The following STXBP2 variants were observed in gnomAD, a reference collection of about 807,000 sequenced individuals.
STXBP2 encodes the protein syntaxin binding protein 2.
Under a neutral mutation model 72.2 loss-of-function variants are expected in STXBP2, and 47 were observed. The ratio of observed to expected loss-of-function variants is 0.65; its 90% CI spans 0.51 to 0.83. The LOEUF is 0.83. Among genes scored for constraint, STXBP2 ranks in the 40% least tolerant of loss-of-function variants. The pLI, the probability that STXBP2 is intolerant of heterozygous loss-of-function variation, is 0.00. For missense variants in STXBP2, 702 were observed against 807.6 expected (o/e 0.87, Z 1.58); for synonymous variants, 367 against 338.7 (o/e 1.08, Z -0.92).
the STXBP2 span, chr19:7,631,408 G>T: frequency 1.4e-5 from 13 of 915,510 alleles, no homozygotes; most frequent in South Asian, 1.5e-4. Flanking sequence ...GCGGGGGGGG[G>T]TGGTCCCGGC....
At chr19:7,630,653 G>A in the STXBP2 span, 14 of 1,537,080 alleles carry the variant, frequency 9.1e-6, no homozygotes, top group Non-Finnish European at 1.2e-5. Context: ...ATGTCATACA[G>A]CGCAAGGTGG....
chr19:7,643,311 G>A, intron 13 of STXBP2, 66 bp downstream of exon 13: 1 of 1,395,516 alleles, frequency 7.2e-7, no homozygotes, highest in South Asian at 1.2e-5. Context: ...GGGAGGGGCT[G>A]AACTGTAGAG....
the STXBP2 span, chr19:7,630,390 G>A: frequency 1.7e-6 from 1 of 604,182 alleles, no homozygotes; most frequent in African/African-American, 1.9e-5. Flanking sequence ...GAGGCCTCCT[G>A]GATTATAGGA....
At chr19:7,635,115 G>C (rs774275211), upstream of STXBP2, among the ~76,000 whole-genome samples, 5 of 152,212 alleles carry the variant, frequency 3.3e-5, no homozygotes, top group Non-Finnish European at 7.3e-5. Context: ...GGGGGTTAGT[G>C]GTGGGGTGGC....
At chr19:7,643,766 G>GCAC (rs2031998492) in intron 13 of STXBP2, among the ~76,000 whole-genome samples, 2 of 151,208 alleles carry the variant, frequency 1.3e-5, no homozygotes, top group South Asian at 2.1e-4. Context: ...CCTGGGTGAG[G>GCAC]GGTGGAACCT....
chr19:7,643,702 G>C (rs1336982910), intron 13 of STXBP2, among the ~76,000 whole-genome samples: 5 of 147,976 alleles, frequency 3.4e-5, no homozygotes, highest in Non-Finnish European at 1.5e-5. Context: ...GGAGAGGGGC[G>C]GAGCCTTGGA....
At chr19:7,632,951 A>G (rs1230371689), upstream of STXBP2, 1 of 1,474,980 alleles carries the variant, frequency 6.8e-7, no homozygotes, top group Admixed American at 2.3e-5. The surrounding 1 kb of genome is among the most constrained non-coding windows in gnomAD (Gnocchi z 5.2). Context: ...CTCAGCTCTC[A>G]CCATGGTCCC....
chr19:7,644,737 A>G lies in STXBP2; in HGVS notation c.1231A>G (p.Ile411Val), dbSNP rs2032061416. The part of the protein sequence containing the change: ...YDKIRVLLLY[I>V]LLRNGVSEEN... ...CAAGATCCGGGTCCTGCTGCTCTAC[A>G]TCCTCCTTCGGAATGGTGGGTGGGG... The change falls in exon 14 of 19, where the codon ATC (isoleucine) becomes GTC (valine). Residue 411 changes from isoleucine to valine, a missense_variant. Transcript: ENST00000221283. 1.2e-6 allele frequency: 2 copies of G among 1,613,192 alleles called. No homozygotes were observed. Among genetic ancestry groups the G allele is most frequent in the Non-Finnish European group, 1.7e-6 (2 of 1,179,756 alleles).
At chr19:7,637,085 A>T, upstream of STXBP2, 1 of 1,230,534 alleles carries the variant, frequency 8.1e-7, no homozygotes, top group Non-Finnish European at 1.0e-6. Context: ...CACGTGGGTG[A>T]CGCGCGGGGC....
chr19:7,632,459 GC>G (rs1568458821), upstream of STXBP2: 1 of 1,613,878 alleles, frequency 6.2e-7, no homozygotes, highest in East Asian at 2.2e-5. This position sits in a 1 kb window ranked among gnomAD's most constrained non-coding sequence, Gnocchi z 5.2. Context: ...CCATGCGGCG[GC>G]CCTGGGTACT....
At position 7,644,385 on chromosome 19, in the gene STXBP2, A is replaced by G. The variant is rs3815754; in HGVS notation, c.1108-229A>G. 250,861 of 589,510 alleles carry G rather than the reference A, an allele frequency of 0.43. 57,254 individuals are homozygous for G. Among genetic ancestry groups the G allele is most frequent in the East Asian group, 0.73 (25,327 of 34,694 alleles). The allele number at this position is 589,510 out of a possible 1,614,324, so 36.5% of individuals were successfully genotyped here. A position where few individuals can be genotyped will look rare whatever the true frequency, so the allele number is the denominator to read the frequency against. ...GAGGTAGTCTCAGGATAGTGGTGTG[A>G]CCTGTGTGTAGGTGGGTGGGGCACT... On this transcript the variant is annotated intron_variant, in intron 13 of 18. Transcript: ENST00000221283.
chr19:7,632,716 G>A (rs903506353), upstream of STXBP2: 7 of 1,557,006 alleles, frequency 4.5e-6, no homozygotes, highest in South Asian at 3.5e-5. The surrounding 1 kb of genome is among the most constrained non-coding windows in gnomAD (Gnocchi z 5.2). Flanking sequence ...CCATGCTCAC[G>A]GCTCTTGGTG....
At position 7,643,153 on chromosome 19, in the gene STXBP2, T is replaced by C. The variant is rs2146220992; in HGVS notation, c.1027-12T>C. ...CTTTGTTATCCCCCAACCCCCACCC[T>C]GCACCCTGCAGTATTCTACGCACCT... On this transcript the variant is annotated splice_polypyrimidine_tract_variant and intron_variant, in intron 12 of 18. Transcript: ENST00000221283. 4 of 1,614,112 alleles carry C rather than the reference T, an allele frequency of 2.5e-6. No individual in the cohort carries two copies. The highest frequency in any genetic ancestry group is 1.1e-5 in the South Asian group (1 of 91,084).
intron 4 of STXBP2, 101 bp downstream of exon 4, chr19:7,639,908 A>G (rs1261748694): frequency 9.2e-6 from 12 of 1,300,620 alleles, no homozygotes; most frequent in African/African-American, 1.5e-5. Context: ...GCATGTGTAT[A>G]CGTGTGCATG....
At chr19:7,643,096 C>CAT (rs1232242417) in intron 12 of STXBP2, 48 bp downstream of exon 12, 7 of 1,614,064 alleles carry the variant, frequency 4.3e-6, no homozygotes, top group Non-Finnish European at 5.9e-6. Context: ...CCCTCAACCC[C>CAT]ATGCTCTGTC....
At chr19:7,640,232 G>A (rs574628232) in intron 4 of STXBP2, 236 of 530,702 alleles carry the variant, frequency 4.4e-4, no homozygotes, top group Non-Finnish European at 6.1e-4. Flanking sequence ...CTGTGTGTGC[G>A]TCTGTGTGTA....
At chr19:7,632,587 C>T (rs1320952541), upstream of STXBP2, 2 of 1,598,508 alleles carry the variant, frequency 1.3e-6, no homozygotes, top group Non-Finnish European at 1.7e-6. The surrounding 1 kb of genome is among the most constrained non-coding windows in gnomAD (Gnocchi z 5.2). Context: ...CCCTTCACCC[C>T]CACACAGATG....
At chr19:7,631,254 A>G in the STXBP2 span, 1 of 1,414,478 alleles carries the variant, frequency 7.1e-7, no homozygotes, top group South Asian at 1.6e-5. Flanking sequence ...AACCGAGAGC[A>G]GAGGAGTAGA....
upstream of STXBP2, chr19:7,632,758 G>A (rs1359982464): frequency 2.2e-5 from 35 of 1,568,192 alleles, no homozygotes; most frequent in Non-Finnish European, 2.8e-5. The surrounding 1 kb of genome is among the most constrained non-coding windows in gnomAD (Gnocchi z 5.2). Flanking sequence ...AGTGAACAGC[G>A]CTGTCCCTCC....
Sources: allele counts gnomAD v4.1 joint callset (sites outside exome capture counted in the v4.1 genomes callset), GRCh38; gene constraint gnomAD v4.1.1; non-coding constraint Gnocchi (gnomAD v3.1); transcripts MANE v1.5; gene names NCBI Gene and HGNC (gene_info 2026-07-23, HGNC 2026-07-21).